The following PTPRD variants were observed in gnomAD, a reference collection of about 807,000 sequenced individuals.
The protein encoded by PTPRD is protein tyrosine phosphatase receptor type D.
In PTPRD, 34 loss-of-function variants were observed where a neutral mutation model predicts 214.5. The ratio of observed to expected loss-of-function variants is 0.16; its 90% CI spans 0.12 to 0.21. The LOEUF (loss-of-function observed/expected upper bound fraction) is 0.21. PTPRD is among the 10% of genes least tolerant of loss of function. The pLI is 1.00. For missense variants in PTPRD, 2,545 were observed against 2,398.7 expected (o/e 1.06, Z -1.27); for synonymous variants, 1,128 against 845.7 (o/e 1.33, Z -5.79).
chr9:10,011,861 C>T (rs1360432848), intron 4 of PTPRD, among the ~76,000 whole-genome samples: 1 of 151,868 alleles, frequency 6.6e-6, no homozygotes, highest in African/African-American at 2.4e-5. Flanking sequence ...AATCAGTACC[C>T]TCAGTTTTGG....
chr9:10,177,447 T>C (rs2099255626), intron 3 of PTPRD, among the ~76,000 whole-genome samples: 1 of 132,160 alleles, frequency 7.6e-6, no homozygotes, highest in Admixed American at 7.5e-5. Flanking sequence ...GTTAAAATGT[T>C]GTAAAAAAAA....
intron 6 of PTPRD, among the ~76,000 whole-genome samples, chr9:9,740,364 T>G (rs1378403830): frequency 6.6e-6 from 1 of 151,720 alleles, no homozygotes; most frequent in African/African-American, 2.4e-5. Flanking sequence ...AACTACTATT[T>G]TTTTTTTTTT....
chr9:9,798,179 T>C (rs1365057620), intron 5 of PTPRD, among the ~76,000 whole-genome samples: 1 of 151,988 alleles, frequency 6.6e-6, no homozygotes, highest in Non-Finnish European at 1.5e-5. Context: ...TGTTATTTTC[T>C]TCGATAACAT....
intron 11 of PTPRD, among the ~76,000 whole-genome samples, chr9:8,767,762 G>A (rs1302208419): frequency 2.0e-5 from 3 of 152,042 alleles, no homozygotes; most frequent in Non-Finnish European, 4.4e-5. Context: ...TCTTTCAAGG[G>A]GAGACCCAGG....
intron 10 of PTPRD, among the ~76,000 whole-genome samples, chr9:9,049,569 C>A (rs991688479): frequency 1.3e-5 from 2 of 150,688 alleles, no homozygotes; most frequent in African/African-American, 2.4e-5. Flanking sequence ...AGCATATTTT[C>A]AAAAAGTCAT....
intron 9 of PTPRD, among the ~76,000 whole-genome samples, chr9:9,370,091 C>A (rs751887444): frequency 6.6e-6 from 1 of 151,970 alleles, no homozygotes; most frequent in African/African-American, 2.4e-5. Flanking sequence ...CTTGGCGATG[C>A]GGGCTCTTTT....
At chr9:10,358,450 T>C (rs1354717616) in intron 2 of PTPRD, among the ~76,000 whole-genome samples, 1 of 151,982 alleles carries the variant, frequency 6.6e-6, no homozygotes, top group Non-Finnish European at 1.5e-5. Flanking sequence ...TGTTTTAACA[T>C]CTAATTACAA....
At chr9:9,712,853 A>G (rs2097761344) in intron 7 of PTPRD, among the ~76,000 whole-genome samples, 1 of 152,214 alleles carries the variant, frequency 6.6e-6, no homozygotes, top group Non-Finnish European at 1.5e-5. Context: ...ATTTTATGGT[A>G]TTTGTTTTTA....
chr9:9,841,425 C>T (rs1019371779), intron 5 of PTPRD, among the ~76,000 whole-genome samples: 1 of 151,928 alleles, frequency 6.6e-6, no homozygotes, highest in Non-Finnish European at 1.5e-5. Context: ...CTATGTTACT[C>T]TTTGATTTGG....
Position 8,341,770 on chromosome 9 carries a change from T to G in PTPRD, c.4870A>C (p.Asn1624His), listed in dbSNP as rs1852697643. 1 of 1,613,638 alleles carries G rather than the reference T, an allele frequency of 6.2e-7. No individual in the cohort carries two copies. The highest frequency in any genetic ancestry group is 1.3e-5 in the African/African-American group (1 of 74,994). ...AGCTTCTGAATGTAGGCATACAAGT[T>G]TCTAGCTGGCACTTCGGTATTTCCA... is the stretch of plus-strand genomic sequence containing the variant. ...TCGNTEVPAR[N>H]LYAYIQKLTQ... The change falls in exon 40 of 46, where the codon AAC becomes CAC. Residue 1624 changes from asparagine to histidine, a missense_variant. Coordinates refer to ENST00000381196, the MANE Select transcript of PTPRD (RefSeq NM_002839.4).
chr9:8,345,009 G>A (rs1856239539), intron 39 of PTPRD, among the ~76,000 whole-genome samples: 1 of 55,482 alleles, frequency 1.8e-5, no homozygotes, highest in Non-Finnish European at 7.8e-5. Context: ...ATGTAATGCT[G>A]GGAAAATTAT....
In PTPRD at chr9:9,041,505, G is replaced by A. The variant is rs557015440; in HGVS notation, c.-142-22770C>T. ...CCTGGGTTAGTTTGCTAAGGATAAT[G>A]GCCTCTAGCTCCAACCATGTTGCTT... On this transcript the variant is annotated intron_variant, in intron 10 of 45. Transcript: ENST00000381196. 2.0e-5 allele frequency among the ~76,000 whole-genome samples: 3 copies of A among 152,204 alleles called. No individual in the cohort carries two copies. In the South Asian group the frequency reaches 6.2e-4, roughly 32 times the overall value.
At chr9:9,996,500 G>T (rs2096127656) in intron 4 of PTPRD, among the ~76,000 whole-genome samples, 1 of 152,204 alleles carries the variant, frequency 6.6e-6, no homozygotes, top group Non-Finnish European at 1.5e-5. Context: ...CCTGGGCAAG[G>T]TGGTGTGAAT....
intron 3 of PTPRD, among the ~76,000 whole-genome samples, chr9:10,236,445 T>C (rs1268166140): frequency 6.6e-6 from 1 of 151,934 alleles, no homozygotes; most frequent in Non-Finnish European, 1.5e-5. Context: ...TTTCCATCAA[T>C]TCCATGTTAT....
chr9:10,498,175 T>C (rs2042654307), intron 2 of PTPRD, among the ~76,000 whole-genome samples: 1 of 151,962 alleles, frequency 6.6e-6, no homozygotes, highest in African/African-American at 2.4e-5. Context: ...TAGCAAGACA[T>C]GACATGCTAC....
intron 8 of PTPRD, among the ~76,000 whole-genome samples, chr9:9,541,719 G>A (rs893798601): frequency 9.2e-5 from 14 of 151,870 alleles, no homozygotes; most frequent in Non-Finnish European, 1.8e-4. Context: ...CTGATGGCTA[G>A]GACAGAATAG....
chr9:8,785,808 A>G (rs1321238417), intron 11 of PTPRD, among the ~76,000 whole-genome samples: 2 of 152,252 alleles, frequency 1.3e-5, no homozygotes, highest in East Asian at 1.9e-4. Flanking sequence ...TAGTCAATAT[A>G]CAGATAATAC....
rs79777779 is a variant in PTPRD, at chr9:9,380,049, G to A, written c.-203+17400C>T. Among the ~76,000 whole-genome samples, 631 of 151,910 alleles carry A rather than the reference G, an allele frequency of 4.2e-3. 3 individuals are homozygous for A. Among genetic ancestry groups the A allele is most frequent in the African/African-American group, 0.014 (598 of 41,444 alleles). ...TTACATTAACTAGGACTTCAAATGT[G>A]GTGTTTAAAGGTGTAGCGAGATAGG... On this transcript the variant is annotated intron_variant, in intron 9 of 45. Transcript: ENST00000381196.
chr9:9,996,667 G>C (rs1016574332), intron 4 of PTPRD, among the ~76,000 whole-genome samples: 2 of 152,164 alleles, frequency 1.3e-5, no homozygotes, highest in Non-Finnish European at 2.9e-5. Context: ...CAAAGGTTGG[G>C]AGACCTATTA....
Sources: gnomAD v4.1 joint callset for allele counts (sites outside exome capture counted in the v4.1 genomes callset) on GRCh38, gnomAD v4.1.1 for gene constraint, MANE v1.5 for transcripts, NCBI Gene and HGNC (gene_info 2026-07-23, HGNC 2026-07-21) for gene names.